Variants in TRPM6 observed in about 807,000 individuals in gnomAD.
TRPM6 encodes channel kinase 2.
TRPM6 carries 111 observed loss-of-function variants against 247.6 expected under a neutral mutation model. The ratio of observed to expected loss-of-function variants is 0.45; its 90% CI spans 0.38 to 0.52. The LOEUF (loss-of-function observed/expected upper bound fraction) is 0.52. Among genes scored for constraint, TRPM6 ranks in the 20% least tolerant of loss-of-function variants. The pLI is 0.00. For missense variants in TRPM6, 2,126 were observed against 2,421.5 expected, an observed-to-expected ratio of 0.88 and a Z score of 2.56; for synonymous variants, 892 against 853.8, an observed-to-expected ratio of 1.04 and a Z score of -0.78.
intron 32 of TRPM6, among the ~76,000 whole-genome samples, chr9:74,743,714 T>C (rs977815853): frequency 3.3e-5 from 5 of 152,208 alleles, no homozygotes; most frequent in African/African-American, 7.2e-5. Flanking sequence ...TGAGGCCCCA[T>C]TGAGGGTACA....
chr9:74,776,158 G>T, intron 23 of TRPM6, 82 bp from the exon 24 acceptor site: 1 of 1,245,058 alleles, frequency 8.0e-7, no homozygotes, highest in Non-Finnish European at 1.2e-6. Flanking sequence ...CAACATTTAT[G>T]ATTGGCTCAC....
At position 74,794,268 on chromosome 9, in the gene TRPM6, A is replaced by C. The variant is rs991338638; in HGVS notation, c.2392-1498T>G. ...TTCTTGCAACGTAGCCACAAAAGTTATCTCTTTAATGTCAGACCTGCAAGA... is the reference window on the plus strand; with the variant it reads ...TTCTTGCAACGTAGCCACAAAAGTTCTCTCTTTAATGTCAGACCTGCAAGA... On this transcript the variant is annotated intron_variant, in intron 18 of 38. Transcript: ENST00000360774. Among the ~76,000 whole-genome samples, 6 of 152,246 alleles carry C rather than the reference A, an allele frequency of 3.9e-5. No homozygotes were observed. The South Asian group carries it at 6.2e-4, about 16-fold the overall frequency.
intron 3 of TRPM6, among the ~76,000 whole-genome samples, chr9:74,852,955 G>C (rs1428648426): frequency 1.3e-5 from 2 of 150,986 alleles, no homozygotes; most frequent in South Asian, 2.1e-4. Context: ...GCCGCCCATC[G>C]TCTGGGATGT....
intron 1 of TRPM6, among the ~76,000 whole-genome samples, chr9:74,859,113 C>T (rs1038071501): frequency 1.3e-5 from 2 of 152,102 alleles, no homozygotes; most frequent in East Asian, 1.9e-4. Flanking sequence ...ACCAAGCTCC[C>T]GAAACTTCAA....
chr9:74,734,909 C>T (rs1236000140), intron 36 of TRPM6, among the ~76,000 whole-genome samples: 1 of 152,124 alleles, frequency 6.6e-6, no homozygotes, highest in African/African-American at 2.4e-5. Context: ...AAGGACCTTT[C>T]AGTGTGTGAA....
At position 74,723,334 on chromosome 9, in the gene TRPM6, G is replaced by C. The variant is rs1028918074; in HGVS notation, c.*1279C>G. ...TCTGAAACCGTATCTTTCTTCATAG[G>C]ACCTGACATAAAGTAATTTAACCTG... On this transcript the variant is annotated 3_prime_UTR_variant, in exon 39 of 39. Transcript: ENST00000360774. The C allele has an allele frequency of 6.6e-6, 1 of 151,970 alleles. No individual in the cohort carries two copies. Among genetic ancestry groups the C allele is most frequent in the African/African-American group, 2.4e-5 (1 of 41,358 alleles). The allele number at this position is 151,970 out of a possible 1,614,324, so 9.4% of individuals were successfully genotyped here. A position where few individuals can be genotyped will look rare whatever the true frequency, so the allele number is the denominator to read the frequency against.
chr9:74,872,252 C>T (rs1351561099), intron 1 of TRPM6, among the ~76,000 whole-genome samples: 2 of 152,108 alleles, frequency 1.3e-5, no homozygotes, highest in African/African-American at 4.8e-5. Context: ...TCCCAAAGTG[C>T]TGGAATTACA....
chr9:74,869,765 A>G (rs1295098923), intron 1 of TRPM6, among the ~76,000 whole-genome samples: 1 of 152,204 alleles, frequency 6.6e-6, no homozygotes, highest in African/African-American at 2.4e-5. Flanking sequence ...TGAAGATGCA[A>G]TGAGCGAATG....
intron 5 of TRPM6, among the ~76,000 whole-genome samples, chr9:74,837,973 T>A (rs996919410): frequency 1.3e-5 from 2 of 152,056 alleles, no homozygotes; most frequent in African/African-American, 4.8e-5. Context: ...GGTCTCGAAC[T>A]CCTGAGCTCA....
intron 31 of TRPM6, among the ~76,000 whole-genome samples, chr9:74,747,434 T>G (rs1826086610): frequency 6.6e-6 from 1 of 152,190 alleles, no homozygotes; most frequent in African/African-American, 2.4e-5. Flanking sequence ...TAGTCAAGTT[T>G]GAGAGTAATT....
chr9:74,800,515 G>A (rs1828288001), intron 16 of TRPM6, 33 bp from the exon 17 acceptor site: 3 of 1,487,536 alleles, frequency 2.0e-6, no homozygotes, highest in Admixed American at 1.7e-5. Context: ...AGAAAACAAA[G>A]GCAGGTGAGA....
Position 74,840,828 on chromosome 9 carries a change from C to T in TRPM6, c.331-591G>A, listed in dbSNP as rs11144110. ...TGGGTGACAGAGCAGGACTCTGTCT[C>T]AAAAAAAAAAAAAAAAAGAAAGAAA... On this transcript the variant is annotated intron_variant, in intron 4 of 38. Transcript: ENST00000360774. 1.2e-3 allele frequency among the ~76,000 whole-genome samples: 133 copies of T among 108,404 alleles called. 9 individuals carry two copies. Among genetic ancestry groups the T allele is most frequent in the Middle Eastern group, 5.3e-3 (1 of 190 alleles). The allele number at this position is 108,404 out of a possible 152,430, so 71.1% of individuals were successfully genotyped here.
chr9:74,816,079 A>G (rs1207020608), intron 11 of TRPM6, among the ~76,000 whole-genome samples: 2 of 152,238 alleles, frequency 1.3e-5, no homozygotes, highest in African/African-American at 2.4e-5. Context: ...TACGCCAGGC[A>G]CAGTGGCTCA....
intron 2 of TRPM6, 36 bp from the exon 3 acceptor site, chr9:74,855,601 G>T (rs1480088326): frequency 3.5e-6 from 5 of 1,408,642 alleles, no homozygotes; most frequent in Non-Finnish European, 5.0e-6. Flanking sequence ...TTAGTTTGTT[G>T]GTGTATCTGA....
intron 5 of TRPM6, among the ~76,000 whole-genome samples, chr9:74,837,747 C>CA (rs1829776912): frequency 1.4e-5 from 1 of 72,438 alleles, no homozygotes; most frequent in Admixed American, 1.8e-4. Context: ...CGCCCGGCCC[C>CA]CTTTTTTTTT....
At chr9:74,799,549 T>C (rs201477128) in intron 17 of TRPM6, among the ~76,000 whole-genome samples, 33 of 145,220 alleles carry the variant, frequency 2.3e-4, no homozygotes, top group African/African-American at 7.6e-4. Context: ...CACACACACA[T>C]ACACACACAC....
At chr9:74,804,447 C>T in intron 14 of TRPM6, 1 of 584,552 alleles carries the variant, frequency 1.7e-6, no homozygotes, top group Non-Finnish European at 3.0e-6. Context: ...CTTAAAGGGA[C>T]TAACATAAAA....
At chr9:74,748,750 A>C (rs932722761) in intron 30 of TRPM6, among the ~76,000 whole-genome samples, 1 of 152,260 alleles carries the variant, frequency 6.6e-6, no homozygotes, top group Non-Finnish European at 1.5e-5. Context: ...AATGTTTTAC[A>C]GTTTATCAAG....
chr9:74,760,312 T>C (rs1826580626), intron 27 of TRPM6, among the ~76,000 whole-genome samples: 1 of 152,206 alleles, frequency 6.6e-6, no homozygotes, highest in South Asian at 2.1e-4. Context: ...TGACCCTTTC[T>C]ATGTTTAGAT....
Sources: gnomAD v4.1 joint callset for allele counts (sites outside exome capture counted in the v4.1 genomes callset) on GRCh38, gnomAD v4.1.1 for gene constraint, MANE v1.5 for transcripts, NCBI Gene and HGNC (gene_info 2026-07-23, HGNC 2026-07-21) for gene names.